Variants in AXDND1 observed in about 807,000 individuals in gnomAD.
AXDND1 encodes axonemal dynein light chain domain-containing protein 1.
Under a neutral mutation model 137.5 loss-of-function variants are expected in AXDND1, and 110 were observed. The ratio of observed to expected loss-of-function variants is 0.80; its 90% confidence interval spans 0.69 to 0.94. The LOEUF (loss-of-function observed/expected upper bound fraction) is 0.94, where lower values mean the gene tolerates loss of function less well. Among genes scored for constraint, AXDND1 ranks in the 40% least tolerant of loss-of-function variants. The probability of loss-of-function intolerance (pLI) is 0.00; values close to 1 mark genes in which losing one functional copy is unlikely to be tolerated. For synonymous variants in AXDND1, 414 were observed against 399.7 expected, an observed-to-expected ratio of 1.04 and a Z score of -0.43; for missense variants, 1,191 against 1,169.8, an observed-to-expected ratio of 1.02 and a Z score of -0.26.
intron 25 of AXDND1, among the ~76,000 whole-genome samples, chr1:179,547,815 C>G (rs1572239384): frequency 6.6e-6 from 1 of 152,084 alleles, no homozygotes; most frequent in African/African-American, 2.4e-5. Context: ...TACCCCCTAC[C>G]CAGAAGTCTG....
chr1:179,544,926 A>T (rs1426325137), intron 25 of AXDND1: 1 of 152,132 alleles, frequency 6.6e-6, no homozygotes, highest in Non-Finnish European at 1.5e-5. Flanking sequence ...TCATGTCTAG[A>T]CTGTTTCACA....
At chr1:179,425,391 G>A (rs1422295382) in intron 12 of AXDND1, among the ~76,000 whole-genome samples, 1 of 152,216 alleles carries the variant, frequency 6.6e-6, no homozygotes, top group Non-Finnish European at 1.5e-5. Context: ...GCATGGTGCT[G>A]TTGATAACCC....
intron 18 of AXDND1, among the ~76,000 whole-genome samples, chr1:179,484,616 C>T (rs779212260): frequency 7.9e-5 from 12 of 152,166 alleles, no homozygotes; most frequent in Non-Finnish European, 1.3e-4. Context: ...AGCACCAGCC[C>T]GCCCATGTAC....
Position 179,525,581 on chromosome 1 carries a change from C to T in AXDND1, c.2610+134C>T, listed in dbSNP as rs948285626. Reference sequence around the variant, plus strand: ...GTATCATCATAGCTCACTGTAACCTCGAACTCTGGGGCTCAAATGATCCTC... The same window carrying T: ...GTATCATCATAGCTCACTGTAACCTTGAACTCTGGGGCTCAAATGATCCTC... On this transcript the variant is annotated intron_variant, in intron 22 of 25. Transcript: ENST00000367618. 5.6e-6 allele frequency: 6 copies of T among 1,076,022 alleles called. No individual in the cohort carries two copies. The South Asian group carries it at 7.9e-5, about 14-fold the overall frequency. 66.7% of individuals were successfully genotyped at this position (1,076,022 alleles called of 1,614,324 possible). A position where few individuals can be genotyped will look rare whatever the true frequency, so the allele number is the denominator to read the frequency against.
At chr1:179,529,868 G>T (rs1278470379) in intron 23 of AXDND1, among the ~76,000 whole-genome samples, 1 of 152,070 alleles carries the variant, frequency 6.6e-6, no homozygotes, top group East Asian at 1.9e-4. Context: ...TATTTGGGGG[G>T]TAATATATTT....
At chr1:179,372,170 C>T (rs1212641614) in intron 4 of AXDND1, among the ~76,000 whole-genome samples, 1 of 152,006 alleles carries the variant, frequency 6.6e-6, no homozygotes, top group Admixed American at 6.6e-5. Context: ...CCTCAATCAC[C>T]CAGAACCCAG....
chr1:179,439,532 G>A (rs958891992), intron 15 of AXDND1, among the ~76,000 whole-genome samples: 4 of 152,130 alleles, frequency 2.6e-5, no homozygotes, highest in African/African-American at 4.8e-5. Context: ...AGTTTAGGTC[G>A]TACTGCTGGG....
intron 18 of AXDND1, among the ~76,000 whole-genome samples, chr1:179,485,219 G>T (rs755526103): frequency 2.0e-5 from 3 of 152,188 alleles, no homozygotes; most frequent in Admixed American, 2.0e-4. Flanking sequence ...GCTGCTCCTG[G>T]CATGTGTAAA....
intron 20 of AXDND1, among the ~76,000 whole-genome samples, chr1:179,502,435 G>A (rs995105877): frequency 2.6e-5 from 4 of 151,654 alleles, no homozygotes; most frequent in African/African-American, 9.7e-5. Flanking sequence ...ATGGTGGCAC[G>A]CACCGGCAGT....
chr1:179,372,544 GTTA>G (rs935003721), intron 4 of AXDND1, among the ~76,000 whole-genome samples: 2 of 151,926 alleles, frequency 1.3e-5, no homozygotes, highest in African/African-American at 4.8e-5. Flanking sequence ...ATAAAATCCA[GTTA>G]TTATGTTATG....
At chr1:179,418,796 C>T (rs987192465) in intron 12 of AXDND1, among the ~76,000 whole-genome samples, 66 of 151,234 alleles carry the variant, frequency 4.4e-4, no homozygotes, top group African/African-American at 1.3e-3. Flanking sequence ...GGCTGCTGGA[C>T]GGAGGGGCTC....
At chr1:179,539,402 C>T (rs976550510) in intron 25 of AXDND1, among the ~76,000 whole-genome samples, 4 of 152,214 alleles carry the variant, frequency 2.6e-5, no homozygotes, top group Non-Finnish European at 5.9e-5. Flanking sequence ...CAAAATCTCT[C>T]AGCATTTGCT....
chr1:179,528,254 T>G, intron 22 of AXDND1, 73 bp from the exon 23 acceptor site: 1 of 1,027,526 alleles, frequency 9.7e-7, no homozygotes, highest in Non-Finnish European at 1.5e-6. Flanking sequence ...CCAGGAAACT[T>G]GCTACCGTGC....
At chr1:179,515,612 T>C (rs1049112603) in intron 21 of AXDND1, among the ~76,000 whole-genome samples, 6 of 152,228 alleles carry the variant, frequency 3.9e-5, no homozygotes, top group African/African-American at 1.4e-4. Flanking sequence ...TATTTGGATG[T>C]CTAGATCTCT....
rs1673813329 is a variant in AXDND1, at chr1:179,554,709, C to A, written c.*190C>A. ...AAGAGTTGTTTAACTTGCATGGTGC[C>A]ACCCAATAAATATCTGTGCAATTGA... On this transcript the variant is annotated 3_prime_UTR_variant, in exon 26 of 26. Transcript: ENST00000367618. The A allele has an allele frequency of 2.6e-6, 2 of 774,712 alleles. No individual in the cohort carries two copies. Among genetic ancestry groups the A allele is most frequent in the Non-Finnish European group, 4.4e-6 (2 of 457,660 alleles). 48.0% of individuals were successfully genotyped at this position (774,712 alleles called of 1,614,324 possible). A position where few individuals can be genotyped will look rare whatever the true frequency, so the allele number is the denominator to read the frequency against.
intron 11 of AXDND1, among the ~76,000 whole-genome samples, chr1:179,400,937 A>G (rs1651930556): frequency 6.7e-6 from 1 of 148,312 alleles, no homozygotes; most frequent in Non-Finnish European, 1.5e-5. Flanking sequence ...AGAAAAAAAA[A>G]AGGACACAGA....
Position 179,528,404 on chromosome 1 carries a change from A to G in AXDND1, c.2688A>G (p.Leu896=), listed in dbSNP as rs754352529. Residue 896 remains leucine (L), a synonymous_variant, in exon 23 of 26, where the codon CTA becomes CTG. Transcript: ENST00000367618. The part of the protein sequence containing the change: ...GEDENVHSKP[L]FETDVLSSWR... ...ATGAAAATGTTCATTCCAAACCTCT[A>G]TTTGAAACAGATGTGTTGTCTTCCT... The G allele has an allele frequency of 9.3e-6, 15 of 1,613,346 alleles. No homozygotes were observed. The highest frequency in any genetic ancestry group is 3.3e-5 in the Admixed American group (2 of 59,994).
rs1243523076 is a variant in AXDND1, at chr1:179,554,595, C to G, written c.*76C>G. The G allele has an allele frequency of 5.6e-6, 9 of 1,606,552 alleles. No homozygotes were observed. Among genetic ancestry groups the G allele is most frequent in the Non-Finnish European group, 6.8e-6 (8 of 1,173,320 alleles). On this transcript the variant is annotated 3_prime_UTR_variant, in exon 26 of 26. Coordinates refer to ENST00000367618, the MANE Select transcript of AXDND1 (RefSeq NM_144696.6). ...AGGTGGGAGGAGAGCATGCCTAAACCCTGGTGGCCATTGTTCTGTACTAAG... is the reference window on the plus strand; with the variant it reads ...AGGTGGGAGGAGAGCATGCCTAAACGCTGGTGGCCATTGTTCTGTACTAAG...
intron 17 of AXDND1, among the ~76,000 whole-genome samples, chr1:179,480,918 T>A (rs4652396): frequency 6.7e-6 from 1 of 148,560 alleles, no homozygotes; most frequent in Non-Finnish European, 1.5e-5. Context: ...TTTGTTTGTT[T>A]TTGCTTTTAT....
Sources: allele counts gnomAD v4.1 joint callset (sites outside exome capture counted in the v4.1 genomes callset), GRCh38; gene constraint gnomAD v4.1.1; transcripts MANE v1.5; gene names NCBI Gene and HGNC (gene_info 2026-07-23, HGNC 2026-07-21).